GRIA4: variants seen among roughly 807,000 people sequenced by gnomAD.
The protein encoded by GRIA4 is glutamate ionotropic receptor AMPA type subunit 4, also known as glutamate receptor 4.
In GRIA4, 34 loss-of-function variants were observed where a neutral mutation model predicts 104.0. The observed-to-expected ratio is 0.33, with a 90% confidence interval of 0.25 to 0.44. The LOEUF (loss-of-function observed/expected upper bound fraction) is 0.44. GRIA4 is among the 20% of genes least tolerant of loss of function. The probability of loss-of-function intolerance (pLI) is 1.00; values close to 1 mark genes in which losing one functional copy is unlikely to be tolerated. For synonymous variants in GRIA4, 386 were observed against 381.9 expected (o/e 1.01, Z -0.13); for missense variants, 750 against 1,096.5 (o/e 0.68, Z 4.46).
At chr11:105,952,654 G>T (rs628230) in intron 14 of GRIA4, among the ~76,000 whole-genome samples, 152,084 of 152,292 alleles carry the variant, frequency 1, 75,938 homozygotes, top group Middle Eastern at 1. Flanking sequence ...AAGTATCTGT[G>T]TAACTTGTTC....
intron 4 of GRIA4, among the ~76,000 whole-genome samples, chr11:105,807,535 T>C (rs1054761053): frequency 6.6e-6 from 1 of 151,908 alleles, no homozygotes; most frequent in South Asian, 2.1e-4. Flanking sequence ...AGGAAAAATC[T>C]TTTTCTTTCT....
At chr11:105,878,070 T>C (rs1310043875) in intron 5 of GRIA4, among the ~76,000 whole-genome samples, 9 of 152,200 alleles carry the variant, frequency 5.9e-5, no homozygotes, top group Non-Finnish European at 1.2e-4. Flanking sequence ...GTCTTTGATG[T>C]TGGTGACCTT....
intron 3 of GRIA4, among the ~76,000 whole-genome samples, chr11:105,629,199 CT>C (rs1479562742): frequency 6.6e-6 from 1 of 151,544 alleles, no homozygotes; most frequent in African/African-American, 2.4e-5. Context: ...TATGATTGTA[CT>C]CCAGGCTGGG....
chr11:105,850,455 A>C (rs1944764531), intron 4 of GRIA4, among the ~76,000 whole-genome samples: 4 of 152,206 alleles, frequency 2.6e-5, no homozygotes, highest in Admixed American at 2.6e-4. Flanking sequence ...GAACTTGGGC[A>C]AGCATATAGA....
intron 3 of GRIA4, among the ~76,000 whole-genome samples, chr11:105,639,516 C>G (rs10791763): frequency 3.3e-5 from 5 of 151,898 alleles, no homozygotes; most frequent in African/African-American, 4.8e-5. Flanking sequence ...TGAAAAATTC[C>G]AAGAATTTTT....
At chr11:105,716,568 A>G (rs1203212335) in intron 3 of GRIA4, among the ~76,000 whole-genome samples, 3 of 152,152 alleles carry the variant, frequency 2.0e-5, no homozygotes, top group Non-Finnish European at 4.4e-5. Context: ...TTAGAAAGCA[A>G]TTGGTGGACA....
intron 4 of GRIA4, among the ~76,000 whole-genome samples, chr11:105,803,863 GA>G (rs1942831802): frequency 7.8e-6 from 1 of 128,822 alleles, no homozygotes; most frequent in African/African-American, 3.2e-5. Flanking sequence ...AAAAAAAAAA[GA>G]GAGAGAGAGA....
intron 3 of GRIA4, among the ~76,000 whole-genome samples, chr11:105,628,363 T>C (rs779918033): frequency 6.6e-6 from 1 of 152,190 alleles, no homozygotes. Flanking sequence ...ATATAATATA[T>C]ACATGCTGAT....
chr11:105,779,766 T>C (rs1295245402), intron 4 of GRIA4, among the ~76,000 whole-genome samples: 1 of 152,166 alleles, frequency 6.6e-6, no homozygotes, highest in Non-Finnish European at 1.5e-5. Flanking sequence ...CAAACTATAC[T>C]ACAAGGCTAC....
intron 4 of GRIA4, among the ~76,000 whole-genome samples, chr11:105,831,956 G>A (rs1321019116): frequency 6.6e-6 from 1 of 152,040 alleles, no homozygotes; most frequent in Non-Finnish European, 1.5e-5. Context: ...AGAAGTAAGC[G>A]TAGCAGAGAA....
intron 4 of GRIA4, among the ~76,000 whole-genome samples, chr11:105,782,083 C>T (rs569918024): frequency 7.2e-5 from 11 of 152,198 alleles, no homozygotes; most frequent in African/African-American, 1.9e-4. Context: ...AGCTCAGGGG[C>T]GACACATTTG....
chr11:105,738,471 A>G (rs1939096240), intron 3 of GRIA4, among the ~76,000 whole-genome samples: 1 of 152,194 alleles, frequency 6.6e-6, no homozygotes, highest in African/African-American at 2.4e-5. Context: ...GTAAACACAT[A>G]CATTAAACAA....
chr11:105,896,920 G>C (rs891610394), intron 6 of GRIA4, among the ~76,000 whole-genome samples: 4 of 152,010 alleles, frequency 2.6e-5, no homozygotes, highest in Admixed American at 1.3e-4. Context: ...ATGAATATTA[G>C]AATTGTTCTT....
chr11:105,779,847 A>G (rs981132047), intron 4 of GRIA4, among the ~76,000 whole-genome samples: 1 of 152,138 alleles, frequency 6.6e-6, no homozygotes, highest in Admixed American at 6.5e-5. Flanking sequence ...GAAGAATAAA[A>G]TGTACATTTA....
At chr11:105,622,800 G>A (rs2135278257) in intron 3 of GRIA4, among the ~76,000 whole-genome samples, 1 of 151,668 alleles carries the variant, frequency 6.6e-6, no homozygotes, top group Non-Finnish European at 1.5e-5. Flanking sequence ...AACGTGCATT[G>A]CACTCATTAA....
At chr11:105,941,519 T>G (rs1375483394) in intron 14 of GRIA4, among the ~76,000 whole-genome samples, 1 of 152,160 alleles carries the variant, frequency 6.6e-6, no homozygotes, top group Admixed American at 6.6e-5. Flanking sequence ...TCGTATTATA[T>G]CCTGTTGAAG....
intron 4 of GRIA4, among the ~76,000 whole-genome samples, chr11:105,786,163 A>G (rs1941957352): frequency 6.6e-6 from 1 of 151,470 alleles, no homozygotes; most frequent in Non-Finnish European, 1.5e-5. Context: ...AAAAAAAAAA[A>G]AAGGAAAGAA....
At chr11:105,761,849 T>C (rs1266910766) in intron 4 of GRIA4, among the ~76,000 whole-genome samples, 1 of 152,228 alleles carries the variant, frequency 6.6e-6, no homozygotes, top group Non-Finnish European at 1.5e-5. Flanking sequence ...TGTACAGATT[T>C]CCATAAAAGA....
rs185905326 is a variant in GRIA4 at position 105,800,282 on chromosome 11, A to C, written c.487+47062A>C. On this transcript the variant is annotated intron_variant, in intron 4 of 16. Transcript: ENST00000282499. Reference sequence around the variant, plus strand: ...CAGTGTGAAAGGGTGAAATCAAGAGAAATGACAAAGAGGAAGTTACACATA... The same window carrying C: ...CAGTGTGAAAGGGTGAAATCAAGAGCAATGACAAAGAGGAAGTTACACATA... Among the ~76,000 whole-genome samples the C allele has an allele frequency of 6.5e-3, 991 of 152,144 alleles. 6 individuals carry two copies. The highest frequency in any genetic ancestry group is 0.017 in the Middle Eastern group (5 of 294).
Sources: gnomAD v4.1 joint callset for allele counts (sites outside exome capture counted in the v4.1 genomes callset) on GRCh38, gnomAD v4.1.1 for gene constraint, MANE v1.5 for transcripts, NCBI Gene and HGNC (gene_info 2026-07-23, HGNC 2026-07-21) for gene names.